ADCYAP1R1: variants seen among roughly 807,000 people sequenced by gnomAD.
ADCYAP1R1 encodes ADCYAP receptor type I.
ADCYAP1R1 carries 44 observed loss-of-function variants against 67.6 expected under a neutral mutation model. The ratio of observed to expected loss-of-function variants is 0.65; its 90% confidence interval spans 0.51 to 0.84. The LOEUF (loss-of-function observed/expected upper bound fraction) is 0.84. ADCYAP1R1 is among the 40% of genes least tolerant of loss of function. The probability of loss-of-function intolerance (pLI) is 0.00; values close to 1 mark genes in which losing one functional copy is unlikely to be tolerated. For synonymous variants in ADCYAP1R1, 222 were observed against 219.6 expected (o/e 1.01, Z -0.10); for missense variants, 477 against 587.9 (o/e 0.81, Z 1.95).
chr7:31,064,338 GT>G (rs1794639340), intron 2 of ADCYAP1R1, among the ~76,000 whole-genome samples: 1 of 152,142 alleles, frequency 6.6e-6, no homozygotes, highest in African/African-American at 2.4e-5. Context: ...TAGTAGCCTC[GT>G]GGCTGCTAGA....
chr7:31,086,776 A>C lies in ADCYAP1R1; in HGVS notation c.824-167A>C, dbSNP rs1795761188. ...GAGAGACAAGACAGCCCTTGGTCTG[A>C]GGGAGATATAGACCCTCAGGAGGCC... On this transcript the variant is annotated intron_variant, in intron 10 of 15. Coordinates refer to ENST00000304166, the MANE Select transcript of ADCYAP1R1 (RefSeq NM_001118.5). This position sits in a 1 kb window ranked among gnomAD's most constrained non-coding sequence, Gnocchi z 5.0. 6.6e-6 allele frequency among the ~76,000 whole-genome samples: 1 copy of C among 152,162 alleles called. No individual in the cohort carries two copies. The highest frequency in any genetic ancestry group is 1.5e-5 in the Non-Finnish European group (1 of 68,018).
intron 13 of ADCYAP1R1, among the ~76,000 whole-genome samples, chr7:31,097,985 CTT>C (rs530198888): frequency 4.1e-4 from 62 of 152,302 alleles, no homozygotes; most frequent in Non-Finnish European, 8.2e-4. Context: ...ACTGCAACCT[CTT>C]TCTCCTGGGT....
In ADCYAP1R1 at chr7:31,103,267, C is replaced by T. The variant is rs1413234149; in HGVS notation, c.1077C>T (p.Ile359=). 8.1e-6 allele frequency: 13 copies of T among 1,614,040 alleles called. No homozygotes were observed. Among genetic ancestry groups the T allele is most frequent in the Non-Finnish European group, 1.1e-5 (13 of 1,180,022 alleles). Residue 359 remains isoleucine, a synonymous_variant, in exon 14 of 16, where the codon ATC becomes ATT. Transcript: ENST00000304166. ...TGGCCCGGTCCACCCTGCTGCTCAT[C>T]CCACTATTCGGAATCCACTACACAG... ...LRLARSTLLL[I]PLFGIHYTVF... is the part of the protein sequence containing the mutation.
Position 31,084,607 on chromosome 7 carries a change from G to T in ADCYAP1R1, c.439-130G>T, listed in dbSNP as rs1229863899. 9.0e-6 allele frequency: 7 copies of T among 775,856 alleles called. 1 individual carries two copies. In the South Asian group the frequency reaches 1.0e-4, roughly 11 times the overall value. The allele number at this position is 775,856 out of a possible 1,614,324, so 48.1% of individuals were successfully genotyped here. ...GGAGGTGGTGGAGATGATATCAGCA[G>T]AAGAGAGGAAGGAGGAGCTAGGCCT... On this transcript the variant is annotated intron_variant, in intron 7 of 15. Transcript: ENST00000304166.
At chr7:31,104,719 C>A (rs1562659990) in intron 14 of ADCYAP1R1, 149 bp from the exon 15 acceptor site, 1 of 862,030 alleles carries the variant, frequency 1.2e-6, no homozygotes, top group Non-Finnish European at 1.9e-6. Context: ...TAGAGTAGAA[C>A]TGTCCCATCT....
intron 3 of ADCYAP1R1, among the ~76,000 whole-genome samples, chr7:31,077,196 T>C (rs1455233166): frequency 6.6e-6 from 1 of 152,226 alleles, no homozygotes; most frequent in Non-Finnish European, 1.5e-5. Flanking sequence ...GGGCCTGGCT[T>C]GTAAGCCGTG....
At chr7:31,101,960 C>T (rs1156339506) in intron 13 of ADCYAP1R1, among the ~76,000 whole-genome samples, 1 of 152,210 alleles carries the variant, frequency 6.6e-6, no homozygotes, top group African/African-American at 2.4e-5. Flanking sequence ...GCTGAGCTCC[C>T]TCTGCCTAAA....
In ADCYAP1R1 at chr7:31,081,696, A is replaced by G. The variant is rs375985356; in HGVS notation, c.287-17A>G. The G allele has an allele frequency of 3.6e-5, 58 of 1,592,774 alleles. No homozygotes were observed. Among genetic ancestry groups the G allele is most frequent in the Non-Finnish European group, 4.7e-5 (55 of 1,169,196 alleles). On this transcript the variant is annotated splice_polypyrimidine_tract_variant and intron_variant, in intron 5 of 15. Coordinates refer to ENST00000304166, the MANE Select transcript of ADCYAP1R1 (RefSeq NM_001118.5). ...AAGCCAGGCATTTTGATATATGCCT[A>G]TGTCTGTATTTTTCAGGAGAGTCTG...
intron 13 of ADCYAP1R1, among the ~76,000 whole-genome samples, chr7:31,096,477 G>A (rs1796200202): frequency 1.3e-5 from 2 of 152,194 alleles, no homozygotes; most frequent in African/African-American, 2.4e-5. Context: ...CATGTTAGGG[G>A]CTGGCAGTAG....
intron 3 of ADCYAP1R1, among the ~76,000 whole-genome samples, chr7:31,070,314 C>T (rs760833489): frequency 7.9e-5 from 12 of 152,292 alleles, no homozygotes; most frequent in African/African-American, 2.4e-4. Context: ...CAGGGTTGGT[C>T]GGTGTGGTCC....
At position 31,106,865 on chromosome 7, in the gene ADCYAP1R1, C is replaced by A; in HGVS notation, c.*181C>A. The A allele has an allele frequency of 1.4e-6, 1 of 728,266 alleles. No homozygotes were observed. Among genetic ancestry groups the A allele is most frequent in the Non-Finnish European group, 2.2e-6 (1 of 464,094 alleles). 45.1% of individuals were successfully genotyped at this position (728,266 alleles called of 1,614,324 possible). Reference sequence around the variant, plus strand: ...GAATTGTCCCCTCCTTGTTTTGGTACTGGTCCCACCCACTGTGGTCCCCTG... The same window carrying A: ...GAATTGTCCCCTCCTTGTTTTGGTAATGGTCCCACCCACTGTGGTCCCCTG... On this transcript the variant is annotated 3_prime_UTR_variant, in exon 16 of 16. Transcript: ENST00000304166.
At chr7:31,063,029 A>G (rs1265661138) in intron 1 of ADCYAP1R1, among the ~76,000 whole-genome samples, 165 bp from the exon 2 acceptor site, 1 of 152,214 alleles carries the variant, frequency 6.6e-6, no homozygotes, top group East Asian at 1.9e-4. Flanking sequence ...ACATGTTTGC[A>G]GGGCAGAAGA....
intron 3 of ADCYAP1R1, among the ~76,000 whole-genome samples, chr7:31,070,288 C>T (rs1347886024): frequency 1.3e-5 from 2 of 152,232 alleles, no homozygotes; most frequent in African/African-American, 2.4e-5. Flanking sequence ...GCCCAGAAAC[C>T]TTCCCTGCAT....
At chr7:31,099,084 C>T (rs1052875863) in intron 13 of ADCYAP1R1, among the ~76,000 whole-genome samples, 15 of 152,186 alleles carry the variant, frequency 9.9e-5, no homozygotes, top group Non-Finnish European at 2.1e-4. Flanking sequence ...AGCAGGACCA[C>T]TGTGGGCTGG....
Position 31,067,150 on chromosome 7 carries a change from T to G in ADCYAP1R1, c.157+2214T>G, listed in dbSNP as rs528991333. Among the ~76,000 whole-genome samples the G allele has an allele frequency of 2.0e-5, 3 of 152,088 alleles. No homozygotes were observed. The South Asian group carries it at 6.2e-4, about 32-fold the overall frequency. Reference sequence around the variant, plus strand: ...CAGGGTGTGAAGGATTCTCCAAGAATTGAGTGAATAGCTCTCCTTTAACCC... The same window carrying G: ...CAGGGTGTGAAGGATTCTCCAAGAAGTGAGTGAATAGCTCTCCTTTAACCC... On this transcript the variant is annotated intron_variant, in intron 3 of 15. Transcript: ENST00000304166.
chr7:31,062,730 G>T (rs761687433), intron 1 of ADCYAP1R1, among the ~76,000 whole-genome samples: 1 of 152,228 alleles, frequency 6.6e-6, no homozygotes, highest in Non-Finnish European at 1.5e-5. Context: ...TGCACAGAGG[G>T]TGCAGATGGG....
intron 13 of ADCYAP1R1, among the ~76,000 whole-genome samples, chr7:31,099,349 G>A (rs1331999313): frequency 2.0e-5 from 3 of 152,214 alleles, no homozygotes; most frequent in African/African-American, 7.2e-5. Context: ...TGTGCTGTCC[G>A]ATATGATAAC....
At chr7:31,096,783 C>T (rs902829316) in intron 13 of ADCYAP1R1, among the ~76,000 whole-genome samples, 13 of 152,114 alleles carry the variant, frequency 8.5e-5, no homozygotes, top group Admixed American at 8.5e-4. Flanking sequence ...CGGGGGTGCA[C>T]AGCATCTTAG....
At position 31,088,063 on chromosome 7, in the gene ADCYAP1R1, A is replaced by G. The variant is rs925143072; in HGVS notation, c.954+367A>G. Among the ~76,000 whole-genome samples, 5 of 152,238 alleles carry G rather than the reference A, an allele frequency of 3.3e-5. No individual in the cohort carries two copies. The East Asian group carries it at 7.7e-4, about 23-fold the overall frequency. ...CTTTAACAATTTATTCCTCCTCAGG[A>G]AGAGTGATTCATTTCCCCATTTCAT... On this transcript the variant is annotated intron_variant, in intron 12 of 15. Coordinates refer to ENST00000304166, the MANE Select transcript of ADCYAP1R1 (RefSeq NM_001118.5).
Sources: allele counts gnomAD v4.1 joint callset (sites outside exome capture counted in the v4.1 genomes callset), GRCh38; gene constraint gnomAD v4.1.1; non-coding constraint Gnocchi (gnomAD v3.1); transcripts MANE v1.5; gene names NCBI Gene and HGNC (gene_info 2026-07-23, HGNC 2026-07-21).